Variants in KAZN observed in about 807,000 individuals in gnomAD.
The protein encoded by KAZN is kazrin.
A neutral mutation model predicts 87.4 loss-of-function variants in KAZN; 40 were observed. The ratio of observed to expected loss-of-function variants is 0.46; its 90% CI spans 0.36 to 0.60. The LOEUF (loss-of-function observed/expected upper bound fraction) is 0.60, where lower values mean the gene tolerates loss of function less well. Ranked by LOEUF, KAZN falls within the 20% of genes least tolerant of loss-of-function variation. The probability of loss-of-function intolerance (pLI) is 0.00; values close to 1 mark genes in which losing one functional copy is unlikely to be tolerated. For missense variants in KAZN, 898 were observed against 1,073.9 expected, an observed-to-expected ratio of 0.84 and a Z score of 2.29; for synonymous variants, 466 against 458.3, an observed-to-expected ratio of 1.02 and a Z score of -0.22.
In KAZN at chr1:14,203,079, T is replaced by C. The variant is rs368892247; in HGVS notation, c.249+22487T>C. ...TGGGTGCTTTGCAAATATAAGGAATTCTTATGATAAAAAGTATGTTGCATT... is the reference window on the plus strand; with the variant it reads ...TGGGTGCTTTGCAAATATAAGGAATCCTTATGATAAAAAGTATGTTGCATT... On this transcript the variant is annotated intron_variant, in intron 2 of 16. Transcript: ENST00000636203. Among the ~76,000 whole-genome samples, 60 of 151,916 alleles carry C rather than the reference T, an allele frequency of 3.9e-4. No homozygotes were observed. In the East Asian group the frequency reaches 8.3e-3, roughly 21 times the overall value.
chr1:14,760,271 G>T (rs1003530), intron 1 of KAZN, among the ~76,000 whole-genome samples: 3 of 151,866 alleles, frequency 2.0e-5, no homozygotes, highest in Admixed American at 6.6e-5. Context: ...TCTGAGAAAC[G>T]CCCCCAAGAT....
intron 1 of KAZN, among the ~76,000 whole-genome samples, chr1:13,946,899 G>T (rs1371344142): frequency 6.6e-6 from 1 of 152,106 alleles, no homozygotes; most frequent in Non-Finnish European, 1.5e-5. Flanking sequence ...CAACAGAAAT[G>T]CATTCTTTCA....
At chr1:14,082,827 T>C (rs1436872430) in intron 1 of KAZN, among the ~76,000 whole-genome samples, 1 of 152,198 alleles carries the variant, frequency 6.6e-6, no homozygotes, top group Non-Finnish European at 1.5e-5. Flanking sequence ...GTCTCACCTC[T>C]CTAAGTACCC....
intron 1 of KAZN, among the ~76,000 whole-genome samples, chr1:14,680,138 T>C (rs1363732312): frequency 1.3e-5 from 2 of 152,164 alleles, no homozygotes; most frequent in Admixed American, 6.5e-5. Flanking sequence ...TTTAAAATTA[T>C]CTTTTTAAAA....
chr1:14,913,708 C>T lies in KAZN; in HGVS notation c.227-46976C>T, dbSNP rs573564986. On this transcript the variant is annotated intron_variant, in intron 1 of 14. Transcript: ENST00000376030. ...TGTAGCCACCAAAGCCCCTAACCTG[C>T]CTGTGCAGGGGTGGTGGGGGCCCTG... Among the ~76,000 whole-genome samples, 431 of 152,380 alleles carry T rather than the reference C, an allele frequency of 2.8e-3. 1 individual carries two copies. The highest frequency in any genetic ancestry group is 5.0e-3 in the Non-Finnish European group (340 of 68,038).
intron 1 of KAZN, among the ~76,000 whole-genome samples, chr1:13,959,426 G>C (rs1177985681): frequency 6.6e-6 from 1 of 152,208 alleles, no homozygotes; most frequent in Non-Finnish European, 1.5e-5. Context: ...GGAGGAATTA[G>C]CAGCCAGGAT....
At chr1:15,055,160 G>T (rs1299038718) in intron 4 of KAZN, among the ~76,000 whole-genome samples, 4 of 152,216 alleles carry the variant, frequency 2.6e-5, no homozygotes, top group Non-Finnish European at 5.9e-5. Context: ...AGTCCCTGGA[G>T]AATCCAAAAG....
intron 13 of KAZN, among the ~76,000 whole-genome samples, chr1:15,111,389 A>C (rs535020890): frequency 1.3e-5 from 2 of 152,026 alleles, no homozygotes; most frequent in African/African-American, 4.8e-5. Flanking sequence ...CTGAGGTTCA[A>C]TCTTAGCCTC....
At chr1:14,311,059 G>A (rs1485387966) in intron 2 of KAZN, among the ~76,000 whole-genome samples, 2 of 152,204 alleles carry the variant, frequency 1.3e-5, no homozygotes, top group African/African-American at 4.8e-5. Context: ...GTAAATATTT[G>A]AGGTGAATAT....
intron 1 of KAZN, among the ~76,000 whole-genome samples, chr1:14,614,374 A>G (rs1451918839): frequency 6.6e-6 from 1 of 152,236 alleles, no homozygotes; most frequent in African/African-American, 2.4e-5. Context: ...GGAAGAGTCC[A>G]GAAACTGGTT....
At chr1:14,559,974 T>C (rs1674155244) in intron 2 of KAZN, among the ~76,000 whole-genome samples, 1 of 152,148 alleles carries the variant, frequency 6.6e-6, no homozygotes, top group South Asian at 2.1e-4. Context: ...AATAAGTCAA[T>C]ATGGTGAGTT....
chr1:14,514,344 T>TATATATATATTTATATATAA (rs1553182416), intron 2 of KAZN, among the ~76,000 whole-genome samples: 3 of 19,642 alleles, frequency 1.5e-4, no homozygotes, highest in East Asian at 1.4e-3. Flanking sequence ...ATATATATAT[T>TATATATATATTTATATATAA]TATATATATT....
chr1:14,729,615 G>A (rs576497044), intron 1 of KAZN, among the ~76,000 whole-genome samples: 3 of 152,322 alleles, frequency 2.0e-5, no homozygotes, highest in Admixed American at 1.3e-4. Flanking sequence ...TTCCACTGGG[G>A]AAGCGTTCAC....
intron 2 of KAZN, among the ~76,000 whole-genome samples, chr1:14,356,208 T>C (rs1659013424): frequency 6.6e-6 from 1 of 152,196 alleles, no homozygotes; most frequent in Non-Finnish European, 1.5e-5. Flanking sequence ...CATGTGTTTG[T>C]TGGCCTCATA....
chr1:14,505,260 A>G (rs1571815086), intron 2 of KAZN, among the ~76,000 whole-genome samples: 1 of 152,078 alleles, frequency 6.6e-6, no homozygotes, highest in African/African-American at 2.4e-5. Flanking sequence ...GAACAAATCA[A>G]CCGTGGCCAG....
At chr1:14,024,528 T>A (rs1383700447) in intron 1 of KAZN, among the ~76,000 whole-genome samples, 1 of 152,244 alleles carries the variant, frequency 6.6e-6, no homozygotes, top group Non-Finnish European at 1.5e-5. Flanking sequence ...AAGGGATGCA[T>A]TCTGCCCCTC....
chr1:14,532,690 A>G (rs1277522876), intron 2 of KAZN, among the ~76,000 whole-genome samples: 1 of 136,984 alleles, frequency 7.3e-6, no homozygotes, highest in Non-Finnish European at 1.5e-5. Context: ...TCATTGTTCA[A>G]TTCCTACCTA....
chr1:14,266,038 T>C lies in KAZN; in HGVS notation c.249+85446T>C, dbSNP rs985466698. 2.0e-5 allele frequency among the ~76,000 whole-genome samples: 3 copies of C among 152,106 alleles called. No homozygotes were observed. The East Asian group carries it at 5.8e-4, about 29-fold the overall frequency. On this transcript the variant is annotated intron_variant, in intron 2 of 16. Transcript: ENST00000636203. ...CCTATCTGATGTGAACAGCTTTGTTTCTCTCATTGCCTGATGTCTGGCACT... is the reference window on the plus strand; with the variant it reads ...CCTATCTGATGTGAACAGCTTTGTTCCTCTCATTGCCTGATGTCTGGCACT...
At chr1:14,091,230 A>G (rs1643985560) in intron 1 of KAZN, among the ~76,000 whole-genome samples, 1 of 151,898 alleles carries the variant, frequency 6.6e-6, no homozygotes, top group Non-Finnish European at 1.5e-5. Context: ...CTCAAACTCC[A>G]ATCTCTTTTC....
Sources: allele counts gnomAD v4.1 joint callset (sites outside exome capture counted in the v4.1 genomes callset), GRCh38; gene constraint gnomAD v4.1.1; transcripts MANE v1.5; gene names NCBI Gene and HGNC (gene_info 2026-07-23, HGNC 2026-07-21).